The following ULK2 variants were observed in gnomAD, a reference collection of about 807,000 sequenced individuals.
The protein encoded by ULK2 is serine/threonine-protein kinase ULK2.
A neutral mutation model predicts 127.5 loss-of-function variants in ULK2; 76 were observed. The observed-to-expected ratio is 0.60, with a 90% CI of 0.50 to 0.72. The LOEUF (loss-of-function observed/expected upper bound fraction) is 0.72. Among genes scored for constraint, ULK2 ranks in the 30% least tolerant of loss-of-function variants. ULK2 has a pLI of 0.00. For missense variants in ULK2, 1,144 were observed against 1,295.9 expected, an observed-to-expected ratio of 0.88 and a Z score of 1.80; for synonymous variants, 452 against 461.9, an observed-to-expected ratio of 0.98 and a Z score of 0.28.
Position 19,831,632 on chromosome 17 carries a change from C to T in ULK2, c.788-5446G>A, listed in dbSNP as rs531349436. On this transcript the variant is annotated intron_variant, in intron 10 of 26. Transcript: ENST00000395544. ...TTGAGGTTGGGGGTTCAAGACCAGC[C>T]TGGCCAACATGGTGAAGCCCCGTCT... Among the ~76,000 whole-genome samples, 19 of 152,250 alleles carry T rather than the reference C, an allele frequency of 1.2e-4. No homozygotes were observed. In the South Asian group the frequency reaches 3.1e-3, roughly 25 times the overall value.
At chr17:19,805,737 C>T (rs2087501837) in intron 14 of ULK2, among the ~76,000 whole-genome samples, 1 of 152,084 alleles carries the variant, frequency 6.6e-6, no homozygotes, top group African/African-American at 2.4e-5. Context: ...AGCATGCTTG[C>T]TGGAGCTTCA....
At chr17:19,787,643 G>A (rs1159446219) in intron 20 of ULK2, among the ~76,000 whole-genome samples, 1 of 152,158 alleles carries the variant, frequency 6.6e-6, no homozygotes, top group Non-Finnish European at 1.5e-5. Context: ...TCTTTTCAAA[G>A]ACATAAAATT....
intron 3 of ULK2, among the ~76,000 whole-genome samples, chr17:19,858,845 C>A (rs981291189): frequency 6.6e-6 from 1 of 152,124 alleles, no homozygotes; most frequent in African/African-American, 2.4e-5. Context: ...TGGTGGGCGC[C>A]TGTAATCCCA....
intron 8 of ULK2, among the ~76,000 whole-genome samples, chr17:19,842,002 G>A (rs898744849): frequency 1.3e-5 from 2 of 151,918 alleles, no homozygotes; most frequent in Non-Finnish European, 2.9e-5. Flanking sequence ...TAAAATTCAG[G>A]TGTACTTTAC....
intron 12 of ULK2, among the ~76,000 whole-genome samples, chr17:19,818,847 C>T (rs1391346605): frequency 2.5e-5 from 3 of 121,790 alleles, no homozygotes; most frequent in African/African-American, 9.6e-5. Flanking sequence ...GTCACCCAGG[C>T]TGGAGTACAG....
Position 19,842,416 on chromosome 17 carries a change from C to T in ULK2, c.645+705G>A, listed in dbSNP as rs191635537. ...TTCTCCATGTTGGTCAGGCTGGTCTCGAACTCCCGACCTCAGGTGATCTGC... is the reference window on the plus strand; with the variant it reads ...TTCTCCATGTTGGTCAGGCTGGTCTTGAACTCCCGACCTCAGGTGATCTGC... On this transcript the variant is annotated intron_variant, in intron 8 of 26. Coordinates refer to ENST00000395544, the MANE Select transcript of ULK2 (RefSeq NM_014683.4). 4.9e-3 allele frequency among the ~76,000 whole-genome samples: 746 copies of T among 151,864 alleles called. 25 individuals are homozygous for T. In the East Asian group the frequency reaches 0.088, roughly 18 times the overall value.
At position 19,867,547 on chromosome 17, in the gene ULK2, G is replaced by T; in HGVS notation, c.-130C>A. ...CTGGGGCAGCCGCAGCCCCGGGCCC[G>T]GGCGGACTCTCATGCCGAGAGACCG... is the stretch of plus-strand genomic sequence containing the variant. On this transcript the variant is annotated 5_prime_UTR_variant, in exon 1 of 27. Transcript: ENST00000395544. 1 of 482,858 alleles carries T rather than the reference G, an allele frequency of 2.1e-6. No homozygotes were observed. Among genetic ancestry groups the T allele is most frequent in the Non-Finnish European group, 3.2e-6 (1 of 317,082 alleles). 29.9% of individuals were successfully genotyped at this position (482,858 alleles called of 1,614,324 possible).
chr17:19,804,804 T>C lies in ULK2; in HGVS notation c.1184A>G (p.His395Arg). ...GGQCQPTVSP[H>R]SETAPIPVPT... ...AACTGGAATTGGTGCTGTTTCGCTG[T>C]GAGGTGACACAGTAGGCTGACACTG... is the stretch of plus-strand genomic sequence containing the variant. The change falls in exon 15 of 27, where the codon CAC becomes CGC. Residue 395 changes from histidine to arginine, a missense_variant. Coordinates refer to ENST00000395544, the MANE Select transcript of ULK2 (RefSeq NM_014683.4). 1 of 1,613,372 alleles carries C rather than the reference T, an allele frequency of 6.2e-7. No individual in the cohort carries two copies.
intron 3 of ULK2, 45 bp from the exon 4 acceptor site, chr17:19,849,819 A>G: frequency 8.2e-7 from 1 of 1,222,626 alleles, no homozygotes; most frequent in South Asian, 1.5e-5. Flanking sequence ...AAAATTAAAC[A>G]CAAAATTTAA....
intron 14 of ULK2, among the ~76,000 whole-genome samples, chr17:19,807,810 A>G (rs2087545775): frequency 1.3e-5 from 2 of 152,174 alleles, no homozygotes; most frequent in Admixed American, 1.3e-4. Context: ...AGGGCCCCCA[A>G]GGTACCAGTG....
chr17:19,804,405 C>G (rs1285645372), intron 15 of ULK2, among the ~76,000 whole-genome samples: 1 of 151,838 alleles, frequency 6.6e-6, no homozygotes, highest in Non-Finnish European at 1.5e-5. Flanking sequence ...AGTTCTTCCT[C>G]AATTCTTAAA....
chr17:19,808,242 T>C (rs1033391121), intron 14 of ULK2, among the ~76,000 whole-genome samples: 2 of 152,140 alleles, frequency 1.3e-5, no homozygotes, highest in African/African-American at 2.4e-5. Context: ...AAGAGTAAAG[T>C]TGGAATCTTA....
At chr17:19,790,942 T>C (rs1217771958) in intron 20 of ULK2, among the ~76,000 whole-genome samples, 1 of 152,022 alleles carries the variant, frequency 6.6e-6, no homozygotes, top group African/African-American at 2.4e-5. Context: ...AAGGGGTCAA[T>C]TCGGCAAGAG....
intron 12 of ULK2, among the ~76,000 whole-genome samples, chr17:19,820,325 G>C (rs2041107530): frequency 6.6e-6 from 1 of 152,180 alleles, no homozygotes; most frequent in African/African-American, 2.4e-5. Context: ...GGGATTACAG[G>C]CGTGAGCCAC....
In ULK2 at chr17:19,777,972, A is replaced by T. The variant is rs188794656; in HGVS notation, c.2917-256T>A. On this transcript the variant is annotated intron_variant, in intron 25 of 26. Coordinates refer to ENST00000395544, the MANE Select transcript of ULK2 (RefSeq NM_014683.4). ...TATGCTTCATAAATTTCATACTAGA[A>T]CCCTTCTAAACTGGCTCTTTTATGA... 4.6e-5 allele frequency among the ~76,000 whole-genome samples: 7 copies of T among 152,218 alleles called. No individual in the cohort carries two copies. The East Asian group carries it at 1.4e-3, about 29-fold the overall frequency.
Position 19,867,406 on chromosome 17 carries a change from C to T in ULK2, c.12G>A (p.Val4=). The T allele has an allele frequency of 6.3e-7, 1 of 1,598,032 alleles. No homozygotes were observed. Among genetic ancestry groups the T allele is most frequent in the Non-Finnish European group, 8.5e-7 (1 of 1,173,884 alleles). Residue 4 remains valine, a synonymous_variant, in exon 1 of 27, where the codon GTG becomes GTA. Coordinates refer to ENST00000395544, the MANE Select transcript of ULK2 (RefSeq NM_014683.4). ...CCCTCTTGCTGTACTCGAAGTCACC[C>T]ACCACCTCCATGGCCGCGCCCCCGG... The part of the protein sequence containing the change: MEV[V]GDFEYSKRDL...
chr17:19,843,293 T>C (rs1380917228), intron 7 of ULK2, 71 bp from the exon 8 acceptor site: 1 of 996,462 alleles, frequency 1.0e-6, no homozygotes, highest in Non-Finnish European at 1.5e-6. Context: ...ATTAATTAAC[T>C]GGTAAAGGTG....
intron 20 of ULK2, among the ~76,000 whole-genome samples, chr17:19,788,285 G>A (rs931725295): frequency 6.6e-6 from 1 of 151,822 alleles, no homozygotes; most frequent in African/African-American, 2.4e-5. Flanking sequence ...AGGCAGCGCA[G>A]CTCACAGCAA....
chr17:19,802,096 A>G (rs1315477082), intron 15 of ULK2, among the ~76,000 whole-genome samples, 174 bp from the exon 16 acceptor site: 1 of 152,188 alleles, frequency 6.6e-6, no homozygotes, highest in Non-Finnish European at 1.5e-5. Context: ...TCATTTTTCT[A>G]TTCTATCTGC....
Sources: allele counts gnomAD v4.1 joint callset (sites outside exome capture counted in the v4.1 genomes callset), GRCh38; gene constraint gnomAD v4.1.1; transcripts MANE v1.5; gene names NCBI Gene and HGNC (gene_info 2026-07-23, HGNC 2026-07-21).